Variants in SPAG9 observed in about 807,000 individuals in gnomAD.
SPAG9 encodes the protein sperm associated antigen 9.
SPAG9 carries 35 observed loss-of-function variants against 166.5 expected under a neutral mutation model. The ratio of observed to expected loss-of-function variants is 0.21; its 90% CI spans 0.16 to 0.28. The LOEUF (loss-of-function observed/expected upper bound fraction) is 0.28. Among genes scored for constraint, SPAG9 ranks in the 10% least tolerant of loss-of-function variants. SPAG9 has a pLI of 1.00. For missense variants in SPAG9, 1,235 were observed against 1,603.3 expected (o/e 0.77, Z 3.92); for synonymous variants, 534 against 565.5 (o/e 0.94, Z 0.79).
intron 1 of SPAG9, among the ~76,000 whole-genome samples, chr17:51,105,412 A>C (rs574960104): frequency 1.3e-5 from 2 of 152,196 alleles, no homozygotes; most frequent in Non-Finnish European, 2.9e-5. Flanking sequence ...CATTTATGAG[A>C]GCTAACTTTT....
chr17:51,017,668 A>G (rs1187502112), intron 8 of SPAG9, among the ~76,000 whole-genome samples: 1 of 152,210 alleles, frequency 6.6e-6, no homozygotes, highest in Non-Finnish European at 1.5e-5. Flanking sequence ...AAAAAGATCT[A>G]CCTCATAAGG....
rs1167990147 is a variant in SPAG9 at position 50,963,066 on chromosome 17, G to C, written c.*3206C>G. The C allele has an allele frequency of 6.6e-6, 1 of 152,220 alleles. No individual in the cohort carries two copies. Among genetic ancestry groups the C allele is most frequent in the African/African-American group, 2.4e-5 (1 of 41,450 alleles). 9.4% of individuals were successfully genotyped at this position (152,220 alleles called of 1,614,324 possible). ...TTTTAACCTGCATTTAAGAGTAAGT[G>C]TTAGGTTGAGGCATATGATATTGTC... On this transcript the variant is annotated 3_prime_UTR_variant, in exon 30 of 30. Transcript: ENST00000262013.
At chr17:51,116,409 T>C (rs953588618) in intron 1 of SPAG9, among the ~76,000 whole-genome samples, 2 of 152,114 alleles carry the variant, frequency 1.3e-5, no homozygotes, top group African/African-American at 4.8e-5. Flanking sequence ...AGAAAAACCC[T>C]AACATACCCA....
At chr17:50,997,993 T>C (rs1054604528) in intron 15 of SPAG9, among the ~76,000 whole-genome samples, 10 of 151,082 alleles carry the variant, frequency 6.6e-5, no homozygotes, top group Admixed American at 4.0e-4. Context: ...ACAAGTAATT[T>C]ACTTAAAGAC....
chr17:51,002,606 C>T (rs1229428757), intron 12 of SPAG9, among the ~76,000 whole-genome samples: 1 of 151,666 alleles, frequency 6.6e-6, no homozygotes, highest in African/African-American at 2.4e-5. Flanking sequence ...ATAGTAAAAC[C>T]CTGTAGCCAG....
intron 1 of SPAG9, among the ~76,000 whole-genome samples, chr17:51,082,053 G>C (rs765508113): frequency 1.3e-5 from 2 of 151,994 alleles, no homozygotes. Flanking sequence ...CACCTTCTTG[G>C]TGAAGGCTTC....
intron 26 of SPAG9, among the ~76,000 whole-genome samples, 168 bp downstream of exon 26, chr17:50,979,578 C>T (rs752795353): frequency 1.3e-5 from 2 of 152,012 alleles, no homozygotes; most frequent in Non-Finnish European, 2.9e-5. Flanking sequence ...GTGAGAGGAT[C>T]GCTTGAGCCC....
chr17:51,084,065 G>T (rs2048242252), intron 1 of SPAG9: 1 of 152,018 alleles, frequency 6.6e-6, no homozygotes, highest in African/African-American at 2.4e-5. Flanking sequence ...AGGAAAAGAG[G>T]CAAACTAATA....
At chr17:51,053,836 T>TA (rs1196039200) in intron 3 of SPAG9, among the ~76,000 whole-genome samples, 3,618 of 25,168 alleles carry the variant, frequency 0.14, 437 homozygotes, top group Non-Finnish European at 0.18. Context: ...AGACCCTAAT[T>TA]AAAAAAAAAA....
intron 26 of SPAG9, among the ~76,000 whole-genome samples, chr17:50,979,473 G>A (rs1165434684): frequency 2.6e-5 from 4 of 151,028 alleles, no homozygotes; most frequent in African/African-American, 9.7e-5. Context: ...TAATTCATTG[G>A]TTCTACCCAG....
chr17:51,076,168 T>C (rs8075136), intron 2 of SPAG9, among the ~76,000 whole-genome samples: 1 of 151,790 alleles, frequency 6.6e-6, no homozygotes, highest in Non-Finnish European at 1.5e-5. Flanking sequence ...ATGCCTGTAA[T>C]GCCAGCACTT....
intron 7 of SPAG9, among the ~76,000 whole-genome samples, chr17:51,020,703 G>C (rs967177140): frequency 1.3e-5 from 2 of 152,086 alleles, no homozygotes; most frequent in Non-Finnish European, 1.5e-5. Flanking sequence ...ATTTACAATT[G>C]AATACAATTA....
At chr17:50,999,395 T>G (rs1168916621) in intron 14 of SPAG9, 2 of 1,097,882 alleles carry the variant, frequency 1.8e-6, no homozygotes, top group East Asian at 2.8e-5. Context: ...TATTTAAATT[T>G]GGCAGAGGAT....
At chr17:50,993,623 C>T in intron 19 of SPAG9, 141 bp downstream of exon 19, 1 of 631,076 alleles carries the variant, frequency 1.6e-6, no homozygotes, top group South Asian at 3.3e-5. Context: ...CAATGGTTTC[C>T]AGTTTGTTTT....
At chr17:51,071,270 T>A (rs998493918) in intron 2 of SPAG9, among the ~76,000 whole-genome samples, 3 of 152,096 alleles carry the variant, frequency 2.0e-5, no homozygotes, top group African/African-American at 7.2e-5. Context: ...ACAGAGACAA[T>A]AAATATAAAA....
At chr17:51,080,941 G>A (rs2048147363) in intron 1 of SPAG9, among the ~76,000 whole-genome samples, 1 of 143,250 alleles carries the variant, frequency 7.0e-6, no homozygotes, top group African/African-American at 2.6e-5. Flanking sequence ...TTTAGCATGT[G>A]AAAACTTGCT....
chr17:51,062,002 C>T lies in SPAG9; in HGVS notation c.425-5520G>A, dbSNP rs889764146. Among the ~76,000 whole-genome samples, 10 of 152,070 alleles carry T rather than the reference C, an allele frequency of 6.6e-5. No individual in the cohort carries two copies. In the East Asian group the frequency reaches 1.7e-3, roughly 26 times the overall value. Reference sequence around the variant, plus strand: ...TTACTAATCTCATATAAATAATATACATACATATCTATATTTTTTTATTTA... The same window carrying T: ...TTACTAATCTCATATAAATAATATATATACATATCTATATTTTTTTATTTA... On this transcript the variant is annotated intron_variant, in intron 2 of 29. Transcript: ENST00000262013.
At chr17:50,995,323 C>A (rs1384103487) in intron 17 of SPAG9, 99 bp from the exon 18 acceptor site, 1 of 1,323,438 alleles carries the variant, frequency 7.6e-7, no homozygotes. Flanking sequence ...GGTCTTATAA[C>A]CTAATATTAT....
rs945174413 is a variant in SPAG9 at position 51,079,596 on chromosome 17, A to G, written c.412T>C (p.Tyr138His). The change falls in exon 2 of 30, where the codon TAT becomes CAT. Residue 138 changes from tyrosine to histidine, a missense_variant. By Grantham distance (83) the Tyr-to-His change is moderately conservative (BLOSUM62 2). Transcript: ENST00000262013. Reference sequence around the variant, plus strand: ...ATGTTTTACTTACTCTGGTCAGCATAGTTTTTCGCTTTCAGCTCAAGTTGT... The same window carrying G: ...ATGTTTTACTTACTCTGGTCAGCATGGTTTTTCGCTTTCAGCTCAAGTTGT... ...TRQLELKAKN[Y>H]ADQISRLEER... 1 of 1,613,736 alleles carries G rather than the reference A, an allele frequency of 6.2e-7. No individual in the cohort carries two copies. Among genetic ancestry groups the G allele is most frequent in the South Asian group, 1.1e-5 (1 of 91,032 alleles).
Sources: gnomAD v4.1 joint callset for allele counts (sites outside exome capture counted in the v4.1 genomes callset) on GRCh38, gnomAD v4.1.1 for gene constraint, MANE v1.5 for transcripts, NCBI Gene and HGNC (gene_info 2026-07-23, HGNC 2026-07-21) for gene names.